The following TLE3 variants were observed in gnomAD, a reference collection of about 807,000 sequenced individuals.
The protein encoded by TLE3 is transducin-like enhancer protein 3.
TLE3 carries 14 observed loss-of-function variants against 93.0 expected under a neutral mutation model. The observed-to-expected ratio is 0.15, with a 90% CI of 0.10 to 0.24. The LOEUF (loss-of-function observed/expected upper bound fraction) is 0.24, where lower values mean the gene tolerates loss of function less well. Ranked by LOEUF, TLE3 falls within the 10% of genes least tolerant of loss-of-function variation. The pLI is 1.00. For synonymous variants in TLE3, 451 were observed against 425.0 expected (o/e 1.06, Z -0.75); for missense variants, 693 against 1,046.6 (o/e 0.66, Z 4.66).
chr15:70,051,512 C>T (rs1283906782), intron 18 of TLE3, 45 bp from the exon 19 acceptor site: 6 of 1,551,482 alleles, frequency 3.9e-6, no homozygotes, highest in Non-Finnish European at 5.3e-6. Flanking sequence ...AGCTCACTGC[C>T]CTCTAAAGCA....
intron 4 of TLE3, chr15:70,079,565 GGCCTC>G (rs993152771): frequency 5.2e-6 from 2 of 386,268 alleles, no homozygotes; most frequent in African/African-American, 4.6e-5. Flanking sequence ...GCAGGGATTG[GGCCTC>G]CCCCATCTCT....
chr15:70,051,241 A>G (rs1050703132), intron 19 of TLE3, 150 bp downstream of exon 19: 2 of 677,692 alleles, frequency 3.0e-6, no homozygotes, highest in Admixed American at 6.5e-5. Context: ...TTGCTCCCCT[A>G]TCAGGTAGGG....
At position 70,048,816 on chromosome 15, in the gene TLE3, C is replaced by G. The variant is rs1389716289; in HGVS notation, c.*1281G>C. On this transcript the variant is annotated 3_prime_UTR_variant, in exon 20 of 20. Transcript: ENST00000451782. ...ACAGTGTGCCAGGATCTGTGTCCCC[C>G]TCTCCCACCCCCCAACCCCCACTGC... The G allele has an allele frequency of 6.6e-6, 1 of 152,144 alleles. No individual in the cohort carries two copies. Among genetic ancestry groups the G allele is most frequent in the Non-Finnish European group, 1.5e-5 (1 of 68,062 alleles). 9.4% of individuals were successfully genotyped at this position (152,144 alleles called of 1,614,324 possible). A position where few individuals can be genotyped will look rare whatever the true frequency, so the allele number is the denominator to read the frequency against.
intron 4 of TLE3, among the ~76,000 whole-genome samples, chr15:70,085,435 T>C (rs1018586027): frequency 7.2e-5 from 11 of 152,310 alleles, no homozygotes; most frequent in Middle Eastern, 3.4e-3. Context: ...CCATCCATCA[T>C]CCAGTAGGCC....
At chr15:70,050,931 C>T (rs1300390781) in intron 19 of TLE3, 1 of 161,292 alleles carries the variant, frequency 6.2e-6, no homozygotes, top group Non-Finnish European at 1.4e-5. Context: ...TATAAAAAGC[C>T]TCTTCCTTTC....
Position 70,053,408 on chromosome 15 carries a change from C to T in TLE3, c.1827-34G>A, listed in dbSNP as rs1238060508. The T allele has an allele frequency of 2.0e-5, 31 of 1,579,080 alleles. No homozygotes were observed. In the Middle Eastern group the frequency reaches 8.4e-4, roughly 43 times the overall value. ...GCCAAGCAGGGAGGAGGGTGAGTCC[C>T]GGGAACCACAGACTGCCAGGTGGCG... On this transcript the variant is annotated intron_variant, in intron 16 of 19. Coordinates refer to ENST00000451782, the MANE Select transcript of TLE3 (RefSeq NM_001105192.3).
chr15:70,091,221 A>T (rs2058290568), intron 4 of TLE3, among the ~76,000 whole-genome samples: 1 of 152,262 alleles, frequency 6.6e-6, no homozygotes, highest in Admixed American at 6.5e-5. Flanking sequence ...AGGTGACTGT[A>T]TTGTGTCGGC....
At chr15:70,057,408 C>G in intron 13 of TLE3, 51 bp downstream of exon 13, 1 of 1,531,742 alleles carries the variant, frequency 6.5e-7, no homozygotes, top group South Asian at 1.2e-5. Flanking sequence ...CAACCACTGG[C>G]TCCCCACACC....
In TLE3 at chr15:70,055,230, G is replaced by A. The variant is rs1216072558; in HGVS notation, c.1397C>T (p.Ala466Val). 2 of 1,612,886 alleles carry A rather than the reference G, an allele frequency of 1.2e-6. No homozygotes were observed. The highest frequency in any genetic ancestry group is 8.5e-7 in the Non-Finnish European group (1 of 1,179,506). ...GGCGTGCCTCGGGATGCCGGGGCCT[G>A]CCAGGGCGTCGTGGGGGAAGGGCAC... The part of the protein sequence containing the change: ...QPVPFPHDAL[A>V]GPGIPRHARQ... The change falls in exon 15 of 20, where the codon GCA becomes GTA. Residue 466 changes from alanine (A) to valine (V), a missense_variant. By Grantham distance (64) the Ala-to-Val change is moderately conservative. Transcript: ENST00000451782.
intron 4 of TLE3, 83 bp from the exon 5 acceptor site, chr15:70,076,241 C>T: frequency 8.9e-7 from 1 of 1,129,058 alleles, no homozygotes; most frequent in Non-Finnish European, 1.3e-6. Context: ...AATGCAAACT[C>T]CCCCCAGACC....
chr15:70,068,170 C>T (rs372987366), intron 6 of TLE3, among the ~76,000 whole-genome samples: 39 of 152,300 alleles, frequency 2.6e-4, no homozygotes, highest in African/African-American at 8.2e-4. Context: ...AATAAGTAGA[C>T]ATTAAAAAGT....
chr15:70,091,812 G>A (rs950397644), intron 4 of TLE3, among the ~76,000 whole-genome samples: 1 of 152,096 alleles, frequency 6.6e-6, no homozygotes, highest in African/African-American at 2.4e-5. Flanking sequence ...CAGCTAATTG[G>A]CATTTCCCAT....
At position 70,054,479 on chromosome 15, in the gene TLE3, C is replaced by G. The variant is rs766900387; in HGVS notation, c.1785G>C (p.Gly595=). The change falls in exon 16 of 20, where the codon GGG becomes GGC. Residue 595 remains glycine (G), a synonymous_variant. Transcript: ENST00000451782. The stretch of plus-strand genomic sequence containing the variant: ...TGTGCAGGTCCCAGACAGCAATGTT[C>G]CCATCGCTGCAGCAGGAGAAGCAGA... ...AKVCFSCCSD[G]NIAVWDLHNQ... is the part of the protein sequence containing the mutation. The G allele has an allele frequency of 1.2e-6, 2 of 1,614,006 alleles. No homozygotes were observed. The highest frequency in any genetic ancestry group is 1.7e-6 in the Non-Finnish European group (2 of 1,179,880).
chr15:70,071,645 G>C (rs1233651814), intron 6 of TLE3, among the ~76,000 whole-genome samples: 1 of 152,186 alleles, frequency 6.6e-6, no homozygotes, highest in African/African-American at 2.4e-5. Context: ...TGGAGAAACT[G>C]AGGCCTGGAG....
intron 13 of TLE3, among the ~76,000 whole-genome samples, chr15:70,056,814 C>T (rs11853714): frequency 0.41 from 62,615 of 151,812 alleles, 13,456 homozygotes; most frequent in Middle Eastern, 0.62. Flanking sequence ...CAAGCTGGAG[C>T]GCGGTGGTGC....
At chr15:70,095,158 C>T (rs1444560232) in intron 3 of TLE3, among the ~76,000 whole-genome samples, 1 of 152,158 alleles carries the variant, frequency 6.6e-6, no homozygotes, top group Non-Finnish European at 1.5e-5. Context: ...CTGGCTAGAT[C>T]CCAGCTGCAA....
chr15:70,059,311 C>CA, intron 10 of TLE3, 99 bp downstream of exon 10: 1 of 1,406,380 alleles, frequency 7.1e-7, no homozygotes, highest in South Asian at 1.3e-5. Context: ...CTCAGGCTGC[C>CA]AGTAATACTA....
intron 2 of TLE3, 87 bp downstream of exon 2, chr15:70,096,074 C>T: frequency 6.9e-7 from 1 of 1,439,736 alleles, no homozygotes; most frequent in Admixed American, 2.3e-5. Flanking sequence ...GGTCGGGAGC[C>T]CCCTCCGTCC....
rs2057714938 is a variant in TLE3 at position 70,080,430 on chromosome 15, G to A, written c.235-4272C>T. Among the ~76,000 whole-genome samples, 3 of 152,188 alleles carry A rather than the reference G, an allele frequency of 2.0e-5. No homozygotes were observed. In the South Asian group the frequency reaches 6.2e-4, roughly 31 times the overall value. On this transcript the variant is annotated intron_variant, in intron 4 of 19. Transcript: ENST00000451782. ...GGTGGAAAAACATTGTTCCTCAGAA[G>A]GAACTAATCTACTAGATACAGACAG...
Sources: allele counts gnomAD v4.1 joint callset (sites outside exome capture counted in the v4.1 genomes callset), GRCh38; gene constraint gnomAD v4.1.1; transcripts MANE v1.5; gene names NCBI Gene and HGNC (gene_info 2026-07-23, HGNC 2026-07-21).